Variants in PBX3 observed in about 807,000 individuals in gnomAD.
The protein encoded by PBX3 is pre-B-cell leukemia transcription factor 3.
A neutral mutation model predicts 48.5 loss-of-function variants in PBX3; 14 were observed. The ratio of observed to expected loss-of-function variants is 0.29; its 90% CI spans 0.19 to 0.45. PBX3 has a LOEUF of 0.45. Ranked by LOEUF, PBX3 falls within the 20% of genes least tolerant of loss-of-function variation. The pLI is 1.00. For missense variants in PBX3, 386 were observed against 546.7 expected (o/e 0.71, Z 2.93); for synonymous variants, 210 against 200.3 (o/e 1.05, Z -0.41).
At chr9:125,928,044 G>A (rs1219407763) in intron 3 of PBX3, among the ~76,000 whole-genome samples, 2 of 151,836 alleles carry the variant, frequency 1.3e-5, no homozygotes, top group Non-Finnish European at 2.9e-5. Context: ...TTAGCCGGGC[G>A]TGGCGGTGTG....
chr9:125,929,633 T>G, intron 3 of PBX3, 22 bp from the exon 4 acceptor site: 1 of 1,548,362 alleles, frequency 6.5e-7, no homozygotes, highest in Admixed American at 1.8e-5. Context: ...TCCAAAGGAG[T>G]GATTTTTTTT....
At chr9:125,935,299 G>C (rs1841810893) in intron 4 of PBX3, among the ~76,000 whole-genome samples, 173 bp from the exon 5 acceptor site, 1 of 152,138 alleles carries the variant, frequency 6.6e-6, no homozygotes, top group Non-Finnish European at 1.5e-5. Context: ...AAATGAGTTG[G>C]ATAATGCCTT....
intron 2 of PBX3, among the ~76,000 whole-genome samples, chr9:125,781,203 A>C (rs567687624): frequency 3.3e-5 from 5 of 150,750 alleles, no homozygotes; most frequent in Non-Finnish European, 7.4e-5. Flanking sequence ...AGCTGAGATC[A>C]CACCACTGCA....
At chr9:125,890,569 G>A (rs1185795604) in intron 2 of PBX3, among the ~76,000 whole-genome samples, 1 of 152,194 alleles carries the variant, frequency 6.6e-6, no homozygotes, top group African/African-American at 2.4e-5. Context: ...TGTCACCACT[G>A]CCTTCCCCCA....
chr9:125,824,075 C>CAAA (rs57963250), intron 2 of PBX3, among the ~76,000 whole-genome samples: 160 of 107,770 alleles, frequency 1.5e-3, no homozygotes, highest in African/African-American at 5.3e-3. Flanking sequence ...GACTTTGTCT[C>CAAA]AAAAAAAAAA....
At chr9:125,954,319 T>C (rs1842256188) in intron 5 of PBX3, among the ~76,000 whole-genome samples, 1 of 152,230 alleles carries the variant, frequency 6.6e-6, no homozygotes. Context: ...AAACTAACTA[T>C]AATGATGGTT....
chr9:125,858,721 G>A (rs905950148), intron 2 of PBX3, among the ~76,000 whole-genome samples: 10 of 151,276 alleles, frequency 6.6e-5, no homozygotes, highest in Non-Finnish European at 5.9e-5. Context: ...CGCCTCCTGG[G>A]TTCAAGCTAT....
intron 2 of PBX3, among the ~76,000 whole-genome samples, chr9:125,821,140 G>A (rs1218055876): frequency 5.3e-5 from 8 of 152,058 alleles, no homozygotes; most frequent in Admixed American, 5.2e-4. Context: ...GAATTAGGTG[G>A]TTAATTTTTT....
At chr9:125,889,211 G>A (rs769648128) in intron 2 of PBX3, among the ~76,000 whole-genome samples, 1 of 152,206 alleles carries the variant, frequency 6.6e-6, no homozygotes, top group Non-Finnish European at 1.5e-5. Flanking sequence ...TGGTTTCTTG[G>A]AATAACTCAC....
intron 2 of PBX3, among the ~76,000 whole-genome samples, chr9:125,906,444 G>C (rs1175771373): frequency 1.3e-5 from 2 of 151,976 alleles, no homozygotes; most frequent in East Asian, 3.9e-4. Flanking sequence ...TCATAATGAA[G>C]TCAAGTGACT....
At chr9:125,924,693 T>C (rs1288871642) in intron 3 of PBX3, among the ~76,000 whole-genome samples, 1 of 152,218 alleles carries the variant, frequency 6.6e-6, no homozygotes, top group Non-Finnish European at 1.5e-5. Flanking sequence ...CATTATATAA[T>C]ATCAAAATAT....
At position 125,915,769 on chromosome 9, in the gene PBX3, G is replaced by T. The variant is rs1355292784; in HGVS notation, c.358G>T (p.Val120Phe). 1 of 1,614,112 alleles carries T rather than the reference G, an allele frequency of 6.2e-7. No homozygotes were observed. The change falls in exon 3 of 9, where the codon GTT becomes TTT. Residue 120 changes from valine to phenylalanine, a missense_variant. Coordinates refer to ENST00000373489, the MANE Select transcript of PBX3 (RefSeq NM_006195.6). ...RLDNMLLAEG[V>F]SGPEKGGGSA... ...GGACAATATGCTTTTGGCAGAAGGG[G>T]TTTCAGGTCCTGAGAAAGGTGGGGG...
chr9:125,794,392 T>C (rs1243643551), intron 2 of PBX3, among the ~76,000 whole-genome samples: 1 of 152,162 alleles, frequency 6.6e-6, no homozygotes, highest in Non-Finnish European at 1.5e-5. Context: ...TTAAGGCAAA[T>C]TGCCTCTTTG....
At chr9:125,882,057 T>A (rs554419612) in intron 2 of PBX3, among the ~76,000 whole-genome samples, 1 of 151,254 alleles carries the variant, frequency 6.6e-6, no homozygotes, top group African/African-American at 2.4e-5. Context: ...AAATAAATAA[T>A]AAAATAAAAA....
intron 2 of PBX3, among the ~76,000 whole-genome samples, chr9:125,794,768 C>A (rs978508275): frequency 6.6e-6 from 1 of 151,506 alleles, no homozygotes; most frequent in African/African-American, 2.4e-5. Context: ...CTCCTCCCAC[C>A]CACCCACCTC....
chr9:125,924,594 C>T (rs1841530345), intron 3 of PBX3, among the ~76,000 whole-genome samples: 1 of 152,170 alleles, frequency 6.6e-6, no homozygotes, highest in South Asian at 2.1e-4. Flanking sequence ...GCTCTTGTAC[C>T]TATGTGTGCT....
chr9:125,794,404 G>A (rs535119301), intron 2 of PBX3, among the ~76,000 whole-genome samples: 2 of 152,174 alleles, frequency 1.3e-5, no homozygotes, highest in South Asian at 4.2e-4. Flanking sequence ...GCCTCTTTGG[G>A]CAACAATGAA....
chr9:125,868,654 A>G (rs891073681), intron 2 of PBX3, among the ~76,000 whole-genome samples: 1 of 152,192 alleles, frequency 6.6e-6, no homozygotes, highest in Non-Finnish European at 1.5e-5. Flanking sequence ...TCTTCACATA[A>G]AGCCAGAACC....
At chr9:125,946,658 A>G (rs923025243) in intron 5 of PBX3, among the ~76,000 whole-genome samples, 1 of 152,184 alleles carries the variant, frequency 6.6e-6, no homozygotes, top group Non-Finnish European at 1.5e-5. Flanking sequence ...CCAAGAAAAT[A>G]ATGATATTGA....
Sources: allele counts gnomAD v4.1 joint callset (sites outside exome capture counted in the v4.1 genomes callset), GRCh38; gene constraint gnomAD v4.1.1; transcripts MANE v1.5; gene names NCBI Gene and HGNC (gene_info 2026-07-23, HGNC 2026-07-21).